PIK3CA: variants seen among roughly 807,000 people sequenced by gnomAD.
PIK3CA encodes the protein phosphatidylinositol 4,5-bisphosphate 3-kinase catalytic subunit alpha isoform.
A neutral mutation model predicts 138.2 loss-of-function variants in PIK3CA; 27 were observed. That is an observed-to-expected ratio of 0.20 (90% CI 0.14 to 0.27). The LOEUF (loss-of-function observed/expected upper bound fraction) is 0.27. Ranked by LOEUF, PIK3CA falls within the 10% of genes least tolerant of loss-of-function variation. PIK3CA has a pLI of 1.00. For missense variants in PIK3CA, 544 were observed against 1,277.4 expected, an observed-to-expected ratio of 0.43 and a Z score of 8.75; for synonymous variants, 358 against 413.2, an observed-to-expected ratio of 0.87 and a Z score of 1.62.
rs760169026 is a variant in PIK3CA at position 179,220,959 on chromosome 3, A to ATT, written c.2016-23_2016-22dup. Reference sequence around the variant, plus strand: ...TACTGATTTAAGACTATATATATATATTTTTAATTTTGCACGATTCTTTTA... The same window carrying ATT: ...TACTGATTTAAGACTATATATATATATTTTTTTAATTTTGCACGATTCTTTTA... On this transcript the variant is annotated intron_variant, in intron 13 of 20. Coordinates refer to ENST00000263967, the MANE Select transcript of PIK3CA (RefSeq NM_006218.4). The surrounding 1 kb of genome is among the most constrained non-coding windows in gnomAD (Gnocchi z 4.1). 8 of 1,499,452 alleles carry ATT rather than the reference A, an allele frequency of 5.3e-6. No individual in the cohort carries two copies. The highest frequency in any genetic ancestry group is 5.0e-5 in the South Asian group (4 of 79,460). The allele number at this position is 1,499,452 out of a possible 1,614,324, so 92.9% of individuals were successfully genotyped here.
At chr3:179,211,970 C>T (rs920251109) in intron 9 of PIK3CA, among the ~76,000 whole-genome samples, 6 of 152,108 alleles carry the variant, frequency 3.9e-5, no homozygotes, top group African/African-American at 1.4e-4. Flanking sequence ...TTATTTCAGA[C>T]AGACAACTAA....
intron 1 of PIK3CA, among the ~76,000 whole-genome samples, chr3:179,157,879 A>C (rs994928829): frequency 6.6e-6 from 1 of 152,140 alleles, no homozygotes; most frequent in Non-Finnish European, 1.5e-5. Context: ...TCCGGGTAAT[A>C]CGTATTTCTT....
chr3:179,230,840 A>G lies in PIK3CA; in HGVS notation c.2936+464A>G, dbSNP rs1365295851. On this transcript the variant is annotated intron_variant, in intron 20 of 20. Transcript: ENST00000263967. The surrounding 1 kb of genome is among the most constrained non-coding windows in gnomAD (Gnocchi z 5.4). Reference sequence around the variant, plus strand: ...TTGTTTTTTATTCTATCTTATTTCAATAGCTTTTGGGGTACACGTGGTTTT... The same window carrying G: ...TTGTTTTTTATTCTATCTTATTTCAGTAGCTTTTGGGGTACACGTGGTTTT... 1.3e-5 allele frequency among the ~76,000 whole-genome samples: 2 copies of G among 152,194 alleles called. No homozygotes were observed. The highest frequency in any genetic ancestry group is 2.9e-5 in the Non-Finnish European group (2 of 68,036).
rs1724334562 is a variant in PIK3CA at position 179,198,906 on chromosome 3, A to G, written c.81A>G (p.Pro27=). ...GAATCCTAGTAGAATGTTTACTACCAAATGGAATGATAGTGACTTTAGAAT... is the reference window on the plus strand; with the variant it reads ...GAATCCTAGTAGAATGTTTACTACCGAATGGAATGATAGTGACTTTAGAAT... ...PPRILVECLL[P]NGMIVTLECL... is the part of the protein sequence containing the mutation. Residue 27 remains proline (P), a synonymous_variant, in exon 2 of 21, where the codon CCA becomes CCG. Coordinates refer to ENST00000263967, the MANE Select transcript of PIK3CA (RefSeq NM_006218.4). 1.9e-6 allele frequency: 3 copies of G among 1,610,568 alleles called. No individual in the cohort carries two copies. The highest frequency in any genetic ancestry group is 2.5e-6 in the Non-Finnish European group (3 of 1,178,686).
At position 179,238,454 on chromosome 3, in the gene PIK3CA, T is replaced by G. The variant is rs958177220; in HGVS notation, c.*4090T>G. On this transcript the variant is annotated 3_prime_UTR_variant, in exon 21 of 21. Coordinates refer to ENST00000263967, the MANE Select transcript of PIK3CA (RefSeq NM_006218.4). ...GTTTAGCTCAAAATATCTGTGGTCCTGATAAAATTGGATTGGTAACTCTAC... is the reference window on the plus strand; with the variant it reads ...GTTTAGCTCAAAATATCTGTGGTCCGGATAAAATTGGATTGGTAACTCTAC... The G allele has an allele frequency of 4.5e-6, 1 of 221,346 alleles. No homozygotes were observed. The highest frequency in any genetic ancestry group is 9.0e-6 in the Non-Finnish European group (1 of 110,622). The allele number at this position is 221,346 out of a possible 1,614,324, so 13.7% of individuals were successfully genotyped here.
intron 1 of PIK3CA, among the ~76,000 whole-genome samples, chr3:179,153,306 T>C (rs991411488): frequency 2.6e-5 from 4 of 152,180 alleles, no homozygotes; most frequent in Non-Finnish European, 4.4e-5. Flanking sequence ...CTTTATTTAT[T>C]TGGTAATATT....
chr3:179,187,567 G>A (rs925300177), intron 1 of PIK3CA, among the ~76,000 whole-genome samples: 13 of 149,622 alleles, frequency 8.7e-5, no homozygotes, highest in African/African-American at 3.0e-4. Context: ...AGAGAGAAAC[G>A]GATCCTTTAT....
intron 1 of PIK3CA, among the ~76,000 whole-genome samples, chr3:179,156,066 C>T (rs994180028): frequency 6.6e-6 from 1 of 152,012 alleles, no homozygotes; most frequent in African/African-American, 2.4e-5. Flanking sequence ...TAAATCACTC[C>T]CTAGAGAGAA....
At chr3:179,212,254 C>T (rs560646785) in intron 9 of PIK3CA, among the ~76,000 whole-genome samples, 4 of 150,752 alleles carry the variant, frequency 2.7e-5, no homozygotes, top group East Asian at 4.0e-4. Context: ...GTGATCCACC[C>T]GCCTCGGCCT....
intron 1 of PIK3CA, among the ~76,000 whole-genome samples, chr3:179,150,025 T>TC (rs1722970744): frequency 6.6e-6 from 1 of 152,004 alleles, no homozygotes; most frequent in African/African-American, 2.4e-5. Flanking sequence ...GTTTTTTTTT[T>TC]TTCCTTTTAA....
chr3:179,151,024 A>G (rs1723001207), intron 1 of PIK3CA, among the ~76,000 whole-genome samples: 1 of 152,238 alleles, frequency 6.6e-6, no homozygotes, highest in Non-Finnish European at 1.5e-5. Context: ...ATTCCAAGAT[A>G]GGGGTGATTC....
chr3:179,171,782 C>T (rs537508321), intron 1 of PIK3CA, among the ~76,000 whole-genome samples: 1 of 152,036 alleles, frequency 6.6e-6, no homozygotes, highest in Non-Finnish European at 1.5e-5. Flanking sequence ...GCTTTAATGG[C>T]ATAGCTAGTA....
Position 179,173,424 on chromosome 3 carries a change from A to C in PIK3CA, c.-77+24821A>C, listed in dbSNP as rs79606831. ...AAATACAAAAAAAAAAAAAAAAAAA[A>C]AAAACTTAGCCAGGTGTGGTGGCGG... On this transcript the variant is annotated intron_variant, in intron 1 of 20. Coordinates refer to ENST00000263967, the MANE Select transcript of PIK3CA (RefSeq NM_006218.4). Among the ~76,000 whole-genome samples the C allele has an allele frequency of 2.0e-5, 3 of 149,960 alleles. No individual in the cohort carries two copies. In the East Asian group the frequency reaches 5.9e-4, roughly 30 times the overall value.
intron 3 of PIK3CA, among the ~76,000 whole-genome samples, chr3:179,200,189 G>A (rs1724376483): frequency 6.6e-6 from 1 of 151,800 alleles, no homozygotes; most frequent in Non-Finnish European, 1.5e-5. Flanking sequence ...CAGAATTAGA[G>A]CTGATTATCT....
intron 1 of PIK3CA, among the ~76,000 whole-genome samples, chr3:179,161,398 A>T (rs1723277373): frequency 6.6e-6 from 1 of 152,184 alleles, no homozygotes; most frequent in South Asian, 2.1e-4. Context: ...GGAGAAAGAA[A>T]CATAAATAAC....
intron 1 of PIK3CA, among the ~76,000 whole-genome samples, chr3:179,170,947 T>C (rs1723544606): frequency 6.6e-6 from 1 of 152,162 alleles, no homozygotes; most frequent in Non-Finnish European, 1.5e-5. Context: ...GCCAACTCAA[T>C]CTAATTGACA....
intron 1 of PIK3CA, among the ~76,000 whole-genome samples, chr3:179,163,257 T>C (rs2108356400): frequency 6.6e-6 from 1 of 152,320 alleles, no homozygotes; most frequent in Non-Finnish European, 1.5e-5. Flanking sequence ...AGAGTAAACT[T>C]ATGCCTAGTG....
rs1173886902 is a variant in PIK3CA, at chr3:179,176,311, C to T, written c.-76-22439C>T. ...GGAATTCCAGTAGTTCCAGGAACCT[C>T]CTAGTCCTGAACTTAATGGGGTTTC... On this transcript the variant is annotated intron_variant, in intron 1 of 20. Coordinates refer to ENST00000263967, the MANE Select transcript of PIK3CA (RefSeq NM_006218.4). 2.0e-5 allele frequency among the ~76,000 whole-genome samples: 3 copies of T among 152,152 alleles called. No homozygotes were observed. The East Asian group carries it at 5.8e-4, about 29-fold the overall frequency.
In PIK3CA at chr3:179,238,275, A is replaced by C. The variant is rs1725370014; in HGVS notation, c.*3911A>C. On this transcript the variant is annotated 3_prime_UTR_variant, in exon 21 of 21. Coordinates refer to ENST00000263967, the MANE Select transcript of PIK3CA (RefSeq NM_006218.4). ...CATCCTCAATTAATAATTCTTGGTGACAGAATAATACAGCTGGGCTGTTTT... is the reference window on the plus strand; with the variant it reads ...CATCCTCAATTAATAATTCTTGGTGCCAGAATAATACAGCTGGGCTGTTTT... 1 of 218,490 alleles carries C rather than the reference A, an allele frequency of 4.6e-6. No homozygotes were observed. Among genetic ancestry groups the C allele is most frequent in the South Asian group, 1.9e-4 (1 of 5,386 alleles). 13.5% of individuals were successfully genotyped at this position (218,490 alleles called of 1,614,324 possible).
Sources: allele counts gnomAD v4.1 joint callset (sites outside exome capture counted in the v4.1 genomes callset), GRCh38; gene constraint gnomAD v4.1.1; non-coding constraint Gnocchi (gnomAD v3.1); transcripts MANE v1.5; gene names NCBI Gene and HGNC (gene_info 2026-07-23, HGNC 2026-07-21).